Variants in LTBP4 observed in about 807,000 individuals in gnomAD.
LTBP4 encodes the protein latent transforming growth factor beta binding protein 4.
Under a neutral mutation model 180.2 loss-of-function variants are expected in LTBP4, and 93 were observed. The observed-to-expected ratio is 0.52, with a 90% CI of 0.44 to 0.61. The LOEUF (loss-of-function observed/expected upper bound fraction) is 0.61, where lower values mean the gene tolerates loss of function less well. Among genes scored for constraint, LTBP4 ranks in the 20% least tolerant of loss-of-function variants. The pLI, the probability that LTBP4 is intolerant of heterozygous loss-of-function variation, is 0.00. For missense variants in LTBP4, 2,116 were observed against 2,256.5 expected, an observed-to-expected ratio of 0.94 and a Z score of 1.26; for synonymous variants, 947 against 934.5, an observed-to-expected ratio of 1.01 and a Z score of -0.24.
At chr19:40,603,769 C>T (rs1248425215) in intron 1 of LTBP4, among the ~76,000 whole-genome samples, 1 of 152,226 alleles carries the variant, frequency 6.6e-6, no homozygotes, top group Non-Finnish European at 1.5e-5. Flanking sequence ...CAGCTGTTCT[C>T]TGCAGCCCCG....
chr19:40,619,570 G>A (rs763055193), intron 22 of LTBP4, 77 bp downstream of exon 22: 86 of 1,451,010 alleles, frequency 5.9e-5, no homozygotes, highest in Non-Finnish European at 7.8e-5. Flanking sequence ...TTCCTGATGT[G>A]GACAGCTACC....
At position 40,605,015 on chromosome 19, in the gene LTBP4, TGTC is replaced by T; in HGVS notation, c.251-19_251-17del. On this transcript the variant is annotated splice_polypyrimidine_tract_variant and intron_variant, in intron 1 of 29. Transcript: ENST00000396819. This position sits in a 1 kb window ranked among gnomAD's most constrained non-coding sequence, Gnocchi z 5.5. ...TGCCAGGAATGGTGGCGCCCCTGAGTGTCCTCGTTCTCCTCCCAGTCCTGTGTC... is the reference window on the plus strand; with the variant it reads ...TGCCAGGAATGGTGGCGCCCCTGAGTCTCGTTCTCCTCCCAGTCCTGTGTC... 40 of 1,593,540 alleles carry T rather than the reference TGTC, an allele frequency of 2.5e-5. No individual in the cohort carries two copies. Among genetic ancestry groups the T allele is most frequent in the Admixed American group, 1.0e-4 (6 of 58,420 alleles).
Position 40,625,895 on chromosome 19 carries a change from G to A in LTBP4, c.3871G>A (p.Asp1291Asn). The change falls in exon 27 of 30, where the codon GAC (aspartate) becomes AAC (asparagine). Residue 1291 changes from aspartate to asparagine, a missense_variant. Physicochemically the swap from Asp to Asn is conservative, Grantham distance 23 (BLOSUM62 1). Transcript: ENST00000396819. ...LGVCWQEVGA[D>N]LVCSHPRLDR... ...AGTGTGCTGGCAGGAAGTGGGGGCT[G>A]ACCTCGTGTGCAGCCACCCTCGGCT... 1.3e-6 allele frequency: 2 copies of A among 1,599,006 alleles called. No homozygotes were observed. Among genetic ancestry groups the A allele is most frequent in the Admixed American group, 1.7e-5 (1 of 57,990 alleles).
Position 40,627,233 on chromosome 19 carries a change from C to A in LTBP4, c.4244C>A (p.Pro1415His). Residue 1415 changes from proline to histidine, a missense_variant, in exon 28 of 30, where the codon CCC becomes CAC. Physicochemically the swap from Pro to His is moderately conservative, Grantham distance 77. This residue lies in a region of LTBP4 where 488 missense variants were observed against 458.8 expected (regional missense o/e 1.06). Transcript: ENST00000396819. ...CCAGACTTTGAGGACGATGGTGGCC[C>A]CTATGGCGAATCTGAGGCTCCTGCG... is the stretch of plus-strand genomic sequence containing the variant. ...DMPDFEDDGGPYGESEAPAPP... is the reference protein window; with the variant it reads ...DMPDFEDDGGHYGESEAPAPP... 6.2e-7 allele frequency: 1 copy of A among 1,602,006 alleles called. No homozygotes were observed. Among genetic ancestry groups the A allele is most frequent in the Non-Finnish European group, 8.5e-7 (1 of 1,175,686 alleles).
At chr19:40,628,761 AG>A (rs2081655594) in intron 29 of LTBP4, among the ~76,000 whole-genome samples, 1 of 152,246 alleles carries the variant, frequency 6.6e-6, no homozygotes, top group Non-Finnish European at 1.5e-5. Flanking sequence ...TAGGGGTATT[AG>A]AAGGACAAAG....
chr19:40,595,905 A>ATTTTTT (rs60121587), intron 1 of LTBP4, among the ~76,000 whole-genome samples: 23 of 60,062 alleles, frequency 3.8e-4, no homozygotes, highest in East Asian at 1.3e-3. Flanking sequence ...TAATTTTTGG[A>ATTTTTT]TTTTTTTTTT....
In LTBP4 at chr19:40,601,485, G is replaced by A; in HGVS notation, c.98G>A (p.Arg33His). ...CTGGGCCGGCTCGGAGAGCGTCTCC[G>A]CGTGCGCTTCACCCCGGTCGTGTGC... The part of the protein sequence containing the change: ...PGLGRLGERL[R>H]VRFTPVVCGL... Residue 33 changes from arginine to histidine, a missense_variant, in exon 1 of 30, where the codon CGC becomes CAC. Coordinates refer to ENST00000396819, the MANE Select transcript of LTBP4 (RefSeq NM_001042545.2). The A allele has an allele frequency of 6.7e-7, 1 of 1,494,636 alleles. No individual in the cohort carries two copies. Among genetic ancestry groups the A allele is most frequent in the Admixed American group, 2.2e-5 (1 of 46,278 alleles). 92.6% of individuals were successfully genotyped at this position (1,494,636 alleles called of 1,614,324 possible).
Position 40,613,898 on chromosome 19 carries a change from G to T in LTBP4, c.2558-18G>T. 3 of 1,613,238 alleles carry T rather than the reference G, an allele frequency of 1.9e-6. No homozygotes were observed. The highest frequency in any genetic ancestry group is 2.5e-6 in the Non-Finnish European group (3 of 1,179,750). On this transcript the variant is annotated intron_variant, in intron 17 of 29. Coordinates refer to ENST00000396819, the MANE Select transcript of LTBP4 (RefSeq NM_001042545.2). The surrounding 1 kb of genome is among the most constrained non-coding windows in gnomAD (Gnocchi z 5.0). The stretch of plus-strand genomic sequence containing the variant: ...GGAGCGGGAGGTGGGCCGGGCCTTC[G>T]GACGCCCTGTCCCGCAGACGTTGAC...
chr19:40,610,848 A>G, intron 12 of LTBP4, 191 bp downstream of exon 12: 1 of 863,532 alleles, frequency 1.2e-6, no homozygotes, highest in South Asian at 1.9e-5. Flanking sequence ...GATGGGAAAC[A>G]GAAAGGCTGA....
Position 40,613,414 on chromosome 19 carries a change from G to T in LTBP4, c.2442G>T (p.Glu814Asp), listed in dbSNP as rs765810210. The T allele has an allele frequency of 3.7e-6, 6 of 1,606,626 alleles. No individual in the cohort carries two copies. The African/African-American group carries it at 6.7e-5, about 18-fold the overall frequency. Reference sequence around the variant, plus strand: ...TCCCGCGTACCCTAGACGTGAACGAGTGCCTGGAGGGCGATTTCTGCTTCC... The same window carrying T: ...TCCCGCGTACCCTAGACGTGAACGATTGCCTGGAGGGCGATTTCTGCTTCC... ...GRPGPCADVN[E>D]CLEGDFCFPH... The change falls in exon 17 of 30, where the codon GAG (glutamate) becomes GAT (aspartate). Residue 814 changes from glutamate to aspartate, a missense_variant. Glu to Asp is a conservative substitution (Grantham distance 45). Transcript: ENST00000396819. This position sits in a 1 kb window ranked among gnomAD's most constrained non-coding sequence, Gnocchi z 5.0.
rs146353450 is a variant in LTBP4, at chr19:40,626,298, C to T, written c.3985+289C>T. Among the ~76,000 whole-genome samples the T allele has an allele frequency of 6.6e-4, 101 of 152,216 alleles. No individual in the cohort carries two copies. In the East Asian group the frequency reaches 0.016, roughly 24 times the overall value. On this transcript the variant is annotated intron_variant, in intron 27 of 29. Transcript: ENST00000396819. ...ATGCTCAGCTCCTGGTCTCTAGAAC[C>T]ACCAGACACAGCCTATGAGATGTCC...
In LTBP4 at chr19:40,619,467, G is replaced by T. The variant is rs543477447; in HGVS notation, c.3191G>T (p.Arg1064Leu). 4.3e-6 allele frequency: 7 copies of T among 1,612,368 alleles called. No individual in the cohort carries two copies. The East Asian group carries it at 1.1e-4, about 26-fold the overall frequency. Residue 1064 changes from arginine (R) to leucine (L), a missense_variant, in exon 22 of 30, where the codon CGC (arginine) becomes CTC (leucine). By Grantham distance (102) the Arg-to-Leu change is moderately radical. This residue lies in a region of LTBP4 where 278 missense variants were observed against 373.0 expected (regional missense o/e 0.75). Transcript: ENST00000396819. ...GAAGAGTTTGACCCCATGACTGGAC[G>T]CTGTGTTCCCCCACGAACTTCTGCT... The part of the protein sequence containing the change: ...SPEEFDPMTG[R>L]CVPPRTSAGT...
intron 24 of LTBP4, 29 bp downstream of exon 24, chr19:40,623,050 A>G: frequency 6.4e-7 from 1 of 1,557,458 alleles, no homozygotes; most frequent in African/African-American, 1.4e-5. Flanking sequence ...CCTCCACCCC[A>G]CTCAGCTCTG....
intron 6 of LTBP4, 60 bp from the exon 7 acceptor site, chr19:40,607,305 C>A: frequency 7.5e-6 from 4 of 535,678 alleles, no homozygotes; most frequent in South Asian, 3.1e-5. Context: ...TCTCCCAAAT[C>A]CCTCAGTGCT....
chr19:40,597,906 T>G (rs796989608), upstream of LTBP4, among the ~76,000 whole-genome samples: 49 of 151,938 alleles, frequency 3.2e-4, no homozygotes, highest in African/African-American at 1.1e-3. Context: ...GTGGAGGGGC[T>G]TGTGGGGAGT....
Position 40,610,608 on chromosome 19 carries a change from C to A in LTBP4, c.1761C>A (p.Cys587Ter). The change falls in exon 12 of 30, where the codon TGC becomes TGA. Residue 587 changes from cysteine (C) to a stop codon, truncating the protein, a stop_gained. Coordinates refer to ENST00000396819, the MANE Select transcript of LTBP4 (RefSeq NM_001042545.2). LOFTEE classifies it high-confidence loss of function. ...RCENTPGSFL[C>*]VCPAGYQAAP... ...AGAACACGCCAGGCAGCTTCCTGTG[C>A]GTGTGCCCCGCCGGGTACCAGGCTG... 1 of 1,587,808 alleles carries A rather than the reference C, an allele frequency of 6.3e-7. No homozygotes were observed. The highest frequency in any genetic ancestry group is 8.5e-7 in the Non-Finnish European group (1 of 1,174,146).
rs2081488963 is a variant in LTBP4 at position 40,609,564 on chromosome 19, G to T, written c.1461G>T (p.Gln487His). The T allele has an allele frequency of 6.2e-7, 1 of 1,613,328 alleles. No homozygotes were observed. Among genetic ancestry groups the T allele is most frequent in the African/African-American group, 1.3e-5 (1 of 74,930 alleles). ...PSSGMCQRNP[Q>H]VCGPGRCISR... The stretch of plus-strand genomic sequence containing the variant: ...CCGGCATGTGTCAGCGCAACCCCCA[G>T]GTCTGCGGCCCAGGACGCTGCATTT... The change falls in exon 10 of 30, where the codon CAG becomes CAT. Residue 487 changes from glutamine (Q) to histidine (H), a missense_variant. By Grantham distance (24) the Gln-to-His change is conservative (BLOSUM62 0). Transcript: ENST00000396819. This position sits in a 1 kb window ranked among gnomAD's most constrained non-coding sequence, Gnocchi z 4.9.
At position 40,629,436 on chromosome 19, in the gene LTBP4, G is replaced by GTGCGTCAACGCGCGT. The variant is rs2081661171; in HGVS notation, c.4564_4578dup (p.Val1522_Cys1526dup). The GTGCGTCAACGCGCGT allele has an allele frequency of 1.9e-6, 3 of 1,612,590 alleles. No homozygotes were observed. The highest frequency in any genetic ancestry group is 2.7e-5 in the African/African-American group (2 of 74,922). ...ATGAGGCCGAGGCTGCCTCCCCGCT[G>GTGCGTCAACGCGCGT]TGCGTCAACGCGCGTTGCCTCAACA... On this transcript the variant is annotated inframe_insertion, in exon 30 of 30. Transcript: ENST00000396819. The surrounding 1 kb of genome is among the most constrained non-coding windows in gnomAD (Gnocchi z 4.5).
Position 40,609,428 on chromosome 19 carries a change from A to T in LTBP4, c.1427-102A>T. ...GGGCTTGCTTGGGGAGGAGACATCC[A>T]TGAAGGTGTTTTATGGATGTCTCCG... On this transcript the variant is annotated intron_variant, in intron 9 of 29. Coordinates refer to ENST00000396819, the MANE Select transcript of LTBP4 (RefSeq NM_001042545.2). The surrounding 1 kb of genome is among the most constrained non-coding windows in gnomAD (Gnocchi z 4.9). The T allele has an allele frequency of 6.9e-7, 1 of 1,438,974 alleles. No individual in the cohort carries two copies. The allele number at this position is 1,438,974 out of a possible 1,614,324, so 89.1% of individuals were successfully genotyped here. A position where few individuals can be genotyped will look rare whatever the true frequency, so the allele number is the denominator to read the frequency against.
Sources: allele counts gnomAD v4.1 joint callset (sites outside exome capture counted in the v4.1 genomes callset), GRCh38; gene constraint gnomAD v4.1.1; regional missense constraint gnomAD v4.1.1; non-coding constraint Gnocchi (gnomAD v3.1); transcripts MANE v1.5; gene names NCBI Gene and HGNC (gene_info 2026-07-23, HGNC 2026-07-21).